Variants in AMBRA1 observed in about 807,000 individuals in gnomAD.
AMBRA1 encodes autophagy and beclin 1 regulator 1.
A neutral mutation model predicts 125.4 loss-of-function variants in AMBRA1; 47 were observed. The ratio of observed to expected loss-of-function variants is 0.37; its 90% CI spans 0.30 to 0.48. AMBRA1 has a LOEUF of 0.48. Ranked by LOEUF, AMBRA1 falls within the 20% of genes least tolerant of loss-of-function variation. The probability of loss-of-function intolerance (pLI) is 0.99; values close to 1 mark genes in which losing one functional copy is unlikely to be tolerated. For synonymous variants in AMBRA1, 626 were observed against 655.5 expected, an observed-to-expected ratio of 0.95 and a Z score of 0.69; for missense variants, 1,331 against 1,693.4, an observed-to-expected ratio of 0.79 and a Z score of 3.76.
At chr11:46,461,122 A>C (rs1222607907) in intron 11 of AMBRA1, among the ~76,000 whole-genome samples, 1 of 152,210 alleles carries the variant, frequency 6.6e-6, no homozygotes, top group African/African-American at 2.4e-5. Flanking sequence ...ACACGCCTAT[A>C]GTCCCAGCTA....
intron 1 of AMBRA1, among the ~76,000 whole-genome samples, chr11:46,590,564 ACT>A (rs376461092): frequency 1.3e-5 from 2 of 152,222 alleles, no homozygotes; most frequent in African/African-American, 4.8e-5. Context: ...GATATACATA[ACT>A]CTGTTCCAGC....
At chr11:46,593,625 G>T (rs1158993552) in intron 1 of AMBRA1, among the ~76,000 whole-genome samples, 1 of 152,220 alleles carries the variant, frequency 6.6e-6, no homozygotes, top group Non-Finnish European at 1.5e-5. Flanking sequence ...ACACCGGGAA[G>T]CCCCAGCAAC....
intron 1 of AMBRA1, among the ~76,000 whole-genome samples, chr11:46,565,681 T>C (rs535189279): frequency 6.6e-5 from 10 of 152,172 alleles, no homozygotes; most frequent in Non-Finnish European, 1.3e-4. Context: ...TACTCCAACC[T>C]GGGCTCAGAG....
At position 46,492,513 on chromosome 11, in the gene AMBRA1, TG is replaced by T. The variant is rs1485366778; in HGVS notation, c.2521+1094del. 4.6e-5 allele frequency among the ~76,000 whole-genome samples: 7 copies of T among 152,242 alleles called. 1 individual carries two copies. On this transcript the variant is annotated intron_variant, in intron 11 of 17. Coordinates refer to ENST00000683756, the MANE Select transcript of AMBRA1 (RefSeq NM_001387011.1). The stretch of plus-strand genomic sequence containing the variant: ...TGCTTATTAAAGATACCTCTAAATG[TG>T]GCTTGATTTTTATACCTTTTATGCA...
rs180961314 is a variant in AMBRA1 at position 46,447,261 on chromosome 11, G to A, written c.2522-3663C>T. Among the ~76,000 whole-genome samples the A allele has an allele frequency of 6.1e-3, 918 of 151,104 alleles. 36 individuals carry two copies. The highest frequency in any genetic ancestry group is 0.056 in the Admixed American group (852 of 15,166). On this transcript the variant is annotated intron_variant, in intron 11 of 17. Transcript: ENST00000683756. ...ATCGCAAAAAAAAAAAAGGCCACGC[G>A]CAGTAGCTCACACCTGTAATCCCAG...
At chr11:46,445,385 T>C (rs373032722) in intron 11 of AMBRA1, among the ~76,000 whole-genome samples, 2 of 151,242 alleles carry the variant, frequency 1.3e-5, no homozygotes, top group African/African-American at 4.9e-5. Context: ...TGTCAGTGAG[T>C]CCACTGACCT....
At chr11:46,457,883 G>A (rs1361041599) in intron 11 of AMBRA1, among the ~76,000 whole-genome samples, 3 of 148,734 alleles carry the variant, frequency 2.0e-5, no homozygotes, top group African/African-American at 5.0e-5. Context: ...TCCAGCCTGC[G>A]TGACAGGGCA....
chr11:46,518,114 G>A lies in AMBRA1; in HGVS notation c.2073-5301C>T, dbSNP rs902945610. 31 of 984,894 alleles carry A rather than the reference G, an allele frequency of 3.1e-5. No individual in the cohort carries two copies. The South Asian group carries it at 1.4e-3, about 43-fold the overall frequency. 61.0% of individuals were successfully genotyped at this position (984,894 alleles called of 1,614,324 possible). ...CTTAAAGTAAAATACTGAAAAGAAAGAGATAGCCATTTGTTTTCAGAAGAA... is the reference window on the plus strand; with the variant it reads ...CTTAAAGTAAAATACTGAAAAGAAAAAGATAGCCATTTGTTTTCAGAAGAA... On this transcript the variant is annotated intron_variant, in intron 7 of 17. Transcript: ENST00000683756.
chr11:46,401,263 C>CG lies in AMBRA1; in HGVS notation c.3404-3321_3404-3320insC, dbSNP rs1945744301. Among the ~76,000 whole-genome samples the CG allele has an allele frequency of 2.6e-5, 4 of 151,778 alleles. No homozygotes were observed. In the South Asian group the frequency reaches 8.4e-4, roughly 32 times the overall value. Reference sequence around the variant, plus strand: ...AGTGAATTCTCAGCTCTTTTCGAGACAGAGTCTCGCTCTGTCGCCCAGACT... The same window carrying CG: ...AGTGAATTCTCAGCTCTTTTCGAGACGAGAGTCTCGCTCTGTCGCCCAGACT... On this transcript the variant is annotated intron_variant, in intron 17 of 17. Transcript: ENST00000683756.
chr11:46,510,546 A>T (rs1193353941), intron 8 of AMBRA1, among the ~76,000 whole-genome samples: 1 of 152,214 alleles, frequency 6.6e-6, no homozygotes. Context: ...TTTATAGGCT[A>T]CCCTAAGTAA....
At chr11:46,533,102 G>A (rs1952293135) in intron 7 of AMBRA1, among the ~76,000 whole-genome samples, 1 of 152,040 alleles carries the variant, frequency 6.6e-6, no homozygotes, top group South Asian at 2.1e-4. Context: ...GGTGGAGGAT[G>A]CAGTGAGCCA....
intron 11 of AMBRA1, among the ~76,000 whole-genome samples, chr11:46,484,568 CT>C (rs1051603567): frequency 1.3e-5 from 2 of 152,110 alleles, no homozygotes; most frequent in African/African-American, 2.4e-5. Context: ...AAGATTTCTA[CT>C]TTGTACTAAC....
chr11:46,417,986 G>A lies in AMBRA1; in HGVS notation c.3043C>T (p.Arg1015Cys), dbSNP rs763760751. The change falls in exon 15 of 18, where the codon CGT (arginine) becomes TGT (cysteine). Residue 1015 changes from arginine (R) to cysteine (C), a missense_variant. Arg to Cys is a radical substitution (Grantham distance 180). Around this residue, in one of 4 missense-constraint regions of AMBRA1, gnomAD observed 354 missense variants for 532.7 expected, o/e 0.66. Coordinates refer to ENST00000683756, the MANE Select transcript of AMBRA1 (RefSeq NM_001387011.1). ...CCAAGCCCTGGCTCAGGCAGCCAAC[G>A]GGCAGAGTTGATACTGACATGTCTC... ...QRRHVSINSA[R>C]WLPEPGLGLA... The A allele has an allele frequency of 1.9e-6, 3 of 1,611,068 alleles. No homozygotes were observed. The highest frequency in any genetic ancestry group is 2.5e-6 in the Non-Finnish European group (3 of 1,177,892).
At chr11:46,537,409 CAG>C (rs1952529086) in intron 7 of AMBRA1, among the ~76,000 whole-genome samples, 1 of 152,196 alleles carries the variant, frequency 6.6e-6, no homozygotes, top group Admixed American at 6.5e-5. Context: ...GTTTTGTCAT[CAG>C]AGAGAGACTA....
intron 9 of AMBRA1, among the ~76,000 whole-genome samples, chr11:46,495,941 G>A (rs575498327): frequency 6.6e-6 from 1 of 152,216 alleles, no homozygotes; most frequent in South Asian, 2.1e-4. Context: ...AAGGGTGGAG[G>A]CCTCTAAGCC....
At chr11:46,528,917 G>A (rs991260988) in intron 7 of AMBRA1, among the ~76,000 whole-genome samples, 1 of 152,160 alleles carries the variant, frequency 6.6e-6, no homozygotes, top group Admixed American at 6.5e-5. Context: ...GTGTAGGGGA[G>A]GAAAAAAGCA....
At chr11:46,498,033 C>A (rs1295790682) in intron 9 of AMBRA1, among the ~76,000 whole-genome samples, 1 of 152,146 alleles carries the variant, frequency 6.6e-6, no homozygotes, top group Non-Finnish European at 1.5e-5. Context: ...CCACTCACTT[C>A]CGTGCTGATA....
chr11:46,557,809 A>G (rs941922460), intron 1 of AMBRA1, among the ~76,000 whole-genome samples: 2 of 152,168 alleles, frequency 1.3e-5, no homozygotes, highest in Non-Finnish European at 2.9e-5. Flanking sequence ...CCCTGACTCA[A>G]AAAACAAACA....
At chr11:46,423,593 G>C (rs1230868560) in intron 14 of AMBRA1, among the ~76,000 whole-genome samples, 1 of 151,458 alleles carries the variant, frequency 6.6e-6, no homozygotes, top group African/African-American at 2.4e-5. Context: ...GGGTTTCACC[G>C]TATTAGCCAG....
Sources: allele counts gnomAD v4.1 joint callset (sites outside exome capture counted in the v4.1 genomes callset), GRCh38; gene constraint gnomAD v4.1.1; regional missense constraint gnomAD v4.1.1; transcripts MANE v1.5; gene names NCBI Gene and HGNC (gene_info 2026-07-23, HGNC 2026-07-21).